The following DEFB109B variants were observed in gnomAD, a reference collection of about 807,000 sequenced individuals.
DEFB109B encodes beta-defensin 109B.
intron 1 of DEFB109B, among the ~76,000 whole-genome samples, chr8:7,316,101 G>C (rs1339012756): frequency 7.5e-5 from 1 of 13,320 alleles, no homozygotes; most frequent in Non-Finnish European, 1.3e-4. Context: ...AACAATTTTA[G>C]TTTTTATCTG....
At position 7,315,653 on chromosome 8, in the gene DEFB109B, C is replaced by T. The variant is rs562225844; in HGVS notation, n.58+2750C>T. Among the ~76,000 whole-genome samples the T allele has an allele frequency of 5.4e-4, 71 of 130,676 alleles. 2 individuals carry two copies. The highest frequency in any genetic ancestry group is 2.6e-3 in the African/African-American group (67 of 25,790). 85.7% of individuals were successfully genotyped at this position (130,676 alleles called of 152,430 possible). A position where few individuals can be genotyped will look rare whatever the true frequency, so the allele number is the denominator to read the frequency against. ...CCCACACTCAGCCTTTCAACATTTG[C>T]TTGAGGTTCACTTGTTTCCTTCTTA... On this transcript the variant is annotated intron_variant and non_coding_transcript_variant, in intron 1 of 1. Transcript: ENST00000382656.
chr8:7,310,607 A>G (rs77363243), upstream of DEFB109B, among the ~76,000 whole-genome samples: 4,740 of 129,752 alleles, frequency 0.037, 20 homozygotes, highest in African/African-American at 0.043. Context: ...GTGTGTGTGC[A>G]TGTGCGTGCC....
At chr8:7,312,168 A>C (rs1385104217), upstream of DEFB109B, among the ~76,000 whole-genome samples, 3 of 125,362 alleles carry the variant, frequency 2.4e-5, 1 homozygote, top group South Asian at 6.8e-4. Context: ...GCTTTAAAAG[A>C]GTTTGGTGTT....
At chr8:7,315,802 T>A (rs1802882591) in intron 1 of DEFB109B, among the ~76,000 whole-genome samples, 1 of 145,958 alleles carries the variant, frequency 6.9e-6, no homozygotes, top group East Asian at 1.9e-4. Context: ...ATTAGCTTTT[T>A]TTAAAGACTT....
At chr8:7,310,685 T>C (rs1454447616), upstream of DEFB109B, among the ~76,000 whole-genome samples, 65 of 147,402 alleles carry the variant, frequency 4.4e-4, 6 homozygotes, top group African/African-American at 1.7e-3. Context: ...TCTGAAACTA[T>C]ACTCTTAGGG....
upstream of DEFB109B, among the ~76,000 whole-genome samples, chr8:7,312,566 T>A (rs1461798766): frequency 6.9e-6 from 1 of 144,584 alleles, no homozygotes; most frequent in Non-Finnish European, 1.5e-5. Flanking sequence ...TTATTGCATA[T>A]GCATGTCAAA....
chr8:7,315,434 G>A (rs1802847895), intron 1 of DEFB109B, among the ~76,000 whole-genome samples: 1 of 138,302 alleles, frequency 7.2e-6, no homozygotes, highest in Non-Finnish European at 1.5e-5. Flanking sequence ...TGGAGGCGGA[G>A]GTTGCGGTGA....
At chr8:7,319,271 G>C (rs1360971025) in intron 1 of DEFB109B, 17 of 130,120 alleles carry the variant, frequency 1.3e-4, no homozygotes, top group Admixed American at 7.2e-5. Context: ...GAGAGAGAGT[G>C]AAAGAAAAAA....
At chr8:7,316,441 T>C (rs2128806341) in intron 1 of DEFB109B, among the ~76,000 whole-genome samples, 1 of 44,398 alleles carries the variant, frequency 2.3e-5, no homozygotes, top group Non-Finnish European at 3.8e-5. Flanking sequence ...TGAATCCTCT[T>C]ACACTTCTCT....
chr8:7,313,717 C>A (rs1168730343), intron 1 of DEFB109B, among the ~76,000 whole-genome samples: 4 of 139,878 alleles, frequency 2.9e-5, no homozygotes, highest in African/African-American at 3.2e-5. Flanking sequence ...GCATAATAAA[C>A]CTAAAGAAGA....
At chr8:7,310,653 C>T (rs1585307631), upstream of DEFB109B, among the ~76,000 whole-genome samples, 5 of 146,522 alleles carry the variant, frequency 3.4e-5, no homozygotes. Context: ...GTATCCCACA[C>T]TCCACATAGG....
upstream of DEFB109B, among the ~76,000 whole-genome samples, chr8:7,312,065 T>G (rs1191287111): frequency 2.5e-5 from 3 of 117,782 alleles, 1 homozygote; most frequent in African/African-American, 1.8e-4. Flanking sequence ...AATAGGTAAT[T>G]GTTATATTAG....
At chr8:7,315,306 A>T (rs925078944) in intron 1 of DEFB109B, among the ~76,000 whole-genome samples, 1 of 133,138 alleles carries the variant, frequency 7.5e-6, no homozygotes, top group Non-Finnish European at 1.5e-5. Context: ...TCACGAGGTC[A>T]GTGGCTAACA....
chr8:7,310,581 C>T (rs1287312679), upstream of DEFB109B, among the ~76,000 whole-genome samples: 1 of 132,010 alleles, frequency 7.6e-6, no homozygotes, highest in African/African-American at 3.6e-5. Flanking sequence ...TTAGGTAATA[C>T]TGTGTGTGTG....
chr8:7,316,804 T>G (rs534126561), intron 1 of DEFB109B, among the ~76,000 whole-genome samples: 1 of 133,014 alleles, frequency 7.5e-6, no homozygotes, highest in South Asian at 2.2e-4. Context: ...TATATATATA[T>G]ATATATACAT....
rs1256088940 is a variant in DEFB109B, at chr8:7,315,528, AAGAAAGAAAG to A, written n.58+2637_58+2646del. Among the ~76,000 whole-genome samples the A allele has an allele frequency of 3.6e-5, 5 of 137,702 alleles. 1 individual carries two copies. Among genetic ancestry groups the A allele is most frequent in the Admixed American group, 3.4e-4 (5 of 14,654 alleles). 90.3% of individuals were successfully genotyped at this position (137,702 alleles called of 152,430 possible). On this transcript the variant is annotated intron_variant and non_coding_transcript_variant, in intron 1 of 1. Coordinates refer to ENST00000382656, the Ensembl canonical transcript of DEFB109B. ...AAAAAAAAAAAGAAGAAGAAGAATA[AAGAAAGAAAG>A]AGAAAGAAAGAAAAGAAAAGCATTA... is the stretch of plus-strand genomic sequence containing the variant.
intron 1 of DEFB109B, among the ~76,000 whole-genome samples, chr8:7,315,765 G>T (rs1802880172): frequency 7.0e-6 from 1 of 143,516 alleles, no homozygotes; most frequent in South Asian, 2.1e-4. Context: ...TTTTTCAGTA[G>T]GGCTTCATTA....
chr8:7,315,648 A>G lies in DEFB109B; in HGVS notation n.58+2745A>G, dbSNP rs1489409243. 5.4e-5 allele frequency among the ~76,000 whole-genome samples: 7 copies of G among 130,340 alleles called. No homozygotes were observed. In the South Asian group the frequency reaches 1.2e-3, roughly 22 times the overall value. 85.5% of individuals were successfully genotyped at this position (130,340 alleles called of 152,430 possible). On this transcript the variant is annotated intron_variant and non_coding_transcript_variant, in intron 1 of 1. Coordinates refer to ENST00000382656, the Ensembl canonical transcript of DEFB109B. The stretch of plus-strand genomic sequence containing the variant: ...ACAAGCCCACACTCAGCCTTTCAAC[A>G]TTTGCTTGAGGTTCACTTGTTTCCT...
At chr8:7,316,806 T>C (rs1409031382) in intron 1 of DEFB109B, among the ~76,000 whole-genome samples, 1 of 132,632 alleles carries the variant, frequency 7.5e-6, no homozygotes, top group Admixed American at 7.0e-5. Context: ...TATATATATA[T>C]ATATACATTT....
Sources: allele counts gnomAD v4.1 joint callset (sites outside exome capture counted in the v4.1 genomes callset), GRCh38; gene constraint gnomAD v4.1.1; transcripts MANE v1.5; gene names NCBI Gene and HGNC (gene_info 2026-07-23, HGNC 2026-07-21).